Variants in GALNT14 observed in about 807,000 individuals in gnomAD.
GALNT14 encodes polypeptide N-acetylgalactosaminyltransferase 14.
In GALNT14, 60 loss-of-function variants were observed where a neutral mutation model predicts 77.5. The observed-to-expected ratio is 0.77, with a 90% CI of 0.63 to 0.96. The LOEUF (loss-of-function observed/expected upper bound fraction) is 0.96, where lower values mean the gene tolerates loss of function less well. Among genes scored for constraint, GALNT14 ranks in the 40% least tolerant of loss-of-function variants. The pLI is 0.00. For synonymous variants in GALNT14, 280 were observed against 281.7 expected, an observed-to-expected ratio of 0.99 and a Z score of 0.06; for missense variants, 710 against 731.0, an observed-to-expected ratio of 0.97 and a Z score of 0.33.
intron 1 of GALNT14, among the ~76,000 whole-genome samples, chr2:31,043,248 T>C (rs766589857): frequency 6.6e-6 from 1 of 152,236 alleles, no homozygotes; most frequent in Non-Finnish European, 1.5e-5. Context: ...TGTAATGCTG[T>C]AGCCTGCTCC....
At chr2:31,043,338 C>T (rs573560607) in intron 1 of GALNT14, among the ~76,000 whole-genome samples, 12 of 152,288 alleles carry the variant, frequency 7.9e-5, no homozygotes, top group African/African-American at 2.4e-4. Context: ...TTGTTAACTA[C>T]GCTTATTATT....
chr2:31,059,495 C>T (rs763151197), intron 1 of GALNT14, among the ~76,000 whole-genome samples: 1 of 152,104 alleles, frequency 6.6e-6, no homozygotes, highest in South Asian at 2.1e-4. Context: ...GGAGGTGGGG[C>T]CTTAGGTCAT....
chr2:31,098,466 T>C (rs6709814), intron 1 of GALNT14, among the ~76,000 whole-genome samples: 90,048 of 151,706 alleles, frequency 0.59, 27,839 homozygotes, highest in African/African-American at 0.76. Context: ...AAAATACATT[T>C]ATGTGGTTCA....
At chr2:30,928,540 A>T (rs1436670515) in intron 11 of GALNT14, among the ~76,000 whole-genome samples, 1 of 152,164 alleles carries the variant, frequency 6.6e-6, no homozygotes, top group African/African-American at 2.4e-5. Context: ...CATTACGCCC[A>T]TTCCTCAGAG....
chr2:31,069,780 T>A (rs922140894), intron 1 of GALNT14, among the ~76,000 whole-genome samples: 1 of 152,134 alleles, frequency 6.6e-6, no homozygotes, highest in Non-Finnish European at 1.5e-5. Context: ...CGAGATGGAT[T>A]TCCTTTTAAA....
chr2:31,086,391 A>G (rs1218781713), intron 1 of GALNT14, among the ~76,000 whole-genome samples: 2 of 152,308 alleles, frequency 1.3e-5, no homozygotes, highest in East Asian at 3.9e-4. Context: ...TGTATAGCTT[A>G]TAGCTCCCTG....
intron 13 of GALNT14, among the ~76,000 whole-genome samples, chr2:30,916,113 A>G (rs1290984703): frequency 6.6e-6 from 1 of 152,172 alleles, no homozygotes; most frequent in Admixed American, 6.5e-5. Context: ...ACCCATCTAG[A>G]TTAAGTAAAT....
At chr2:31,097,640 A>T (rs1255373969) in intron 1 of GALNT14, among the ~76,000 whole-genome samples, 1 of 152,082 alleles carries the variant, frequency 6.6e-6, no homozygotes, top group Non-Finnish European at 1.5e-5. Context: ...CTTTTCAGTT[A>T]TGTTCACTAA....
chr2:31,045,879 G>T (rs989912653), intron 1 of GALNT14, among the ~76,000 whole-genome samples: 1 of 152,082 alleles, frequency 6.6e-6, no homozygotes, highest in Non-Finnish European at 1.5e-5. Flanking sequence ...GGTCATCTCT[G>T]TCTGCTCTTA....
At chr2:30,918,777 G>A (rs6739582) in intron 13 of GALNT14, among the ~76,000 whole-genome samples, 16 of 143,330 alleles carry the variant, frequency 1.1e-4, no homozygotes, top group Non-Finnish European at 1.5e-4. Flanking sequence ...GGGTGGCATC[G>A]GGCAGGGAGG....
At chr2:31,087,027 A>C (rs76929435) in intron 1 of GALNT14, among the ~76,000 whole-genome samples, 23,579 of 152,188 alleles carry the variant, frequency 0.15, 2,207 homozygotes, top group Middle Eastern at 0.23. Context: ...GCATGGGGGA[A>C]TGTGGCCTTT....
At chr2:31,125,287 T>G (rs1038567697) in intron 1 of GALNT14, 3 of 1,469,104 alleles carry the variant, frequency 2.0e-6, no homozygotes, top group Non-Finnish European at 2.8e-6. Context: ...AGCAACATGG[T>G]CATTTCTTTG....
At chr2:30,888,197 C>T in the GALNT14 span, among the ~76,000 whole-genome samples, 2 of 152,258 alleles carry the variant, frequency 1.3e-5, no homozygotes, top group Non-Finnish European at 1.5e-5. Flanking sequence ...GCCTAGCCAT[C>T]TGTCTGCACT....
intron 1 of GALNT14, among the ~76,000 whole-genome samples, chr2:31,056,363 A>G (rs1441443134): frequency 6.6e-6 from 1 of 152,222 alleles, no homozygotes; most frequent in Admixed American, 6.5e-5. Context: ...TGGTCATGAG[A>G]AAGGATCAAT....
intron 1 of GALNT14, among the ~76,000 whole-genome samples, chr2:31,137,471 A>G (rs1181130531): frequency 6.6e-6 from 1 of 152,216 alleles, no homozygotes; most frequent in Non-Finnish European, 1.5e-5. Context: ...GGGAGGCTGC[A>G]AGGCGCTCGC....
At chr2:30,914,041 G>C (rs1664527117) in intron 13 of GALNT14, among the ~76,000 whole-genome samples, 1 of 152,216 alleles carries the variant, frequency 6.6e-6, no homozygotes, top group South Asian at 2.1e-4. Flanking sequence ...TCCGCACAGA[G>C]GTGGTGCAAT....
intron 1 of GALNT14, among the ~76,000 whole-genome samples, chr2:31,006,641 T>C (rs12471715): frequency 0.26 from 40,184 of 152,052 alleles, 5,450 homozygotes; most frequent in East Asian, 0.4. Flanking sequence ...TGTCTGGAGA[T>C]AGACCTGGGA....
intron 1 of GALNT14, among the ~76,000 whole-genome samples, chr2:31,073,797 T>C (rs565932018): frequency 6.6e-6 from 1 of 152,290 alleles, no homozygotes; most frequent in Admixed American, 6.5e-5. Flanking sequence ...TGGATTCACA[T>C]TTTAAAATAT....
intron 1 of GALNT14, among the ~76,000 whole-genome samples, chr2:30,995,514 G>A (rs553376404): frequency 1.3e-5 from 2 of 152,192 alleles, no homozygotes; most frequent in Non-Finnish European, 2.9e-5. Flanking sequence ...TTTTTTTAGA[G>A]ATGGGGTCTC....
Sources: allele counts gnomAD v4.1 joint callset (sites outside exome capture counted in the v4.1 genomes callset), GRCh38; gene constraint gnomAD v4.1.1; transcripts MANE v1.5; gene names NCBI Gene and HGNC (gene_info 2026-07-23, HGNC 2026-07-21).